The following CPNE8 variants were observed in gnomAD, a reference collection of about 807,000 sequenced individuals.
The protein encoded by CPNE8 is copine 8.
CPNE8 carries 45 observed loss-of-function variants against 81.5 expected under a neutral mutation model. The observed-to-expected ratio is 0.55, with a 90% CI of 0.44 to 0.71. CPNE8 has a LOEUF of 0.71. Ranked by LOEUF, CPNE8 falls within the 30% of genes least tolerant of loss-of-function variation. The pLI, the probability that CPNE8 is intolerant of heterozygous loss-of-function variation, is 0.00. For missense variants in CPNE8, 594 were observed against 672.1 expected (o/e 0.88, Z 1.28); for synonymous variants, 252 against 226.3 (o/e 1.11, Z -1.02).
At chr12:38,818,863 T>C (rs919928165) in intron 6 of CPNE8, among the ~76,000 whole-genome samples, 4 of 152,370 alleles carry the variant, frequency 2.6e-5, no homozygotes, top group South Asian at 2.1e-4. Flanking sequence ...TGGTTTTGAT[T>C]TGCATTTCTC....
chr12:38,756,478 C>T lies in CPNE8; in HGVS notation c.722+4369G>A, dbSNP rs569980601. 3.9e-5 allele frequency among the ~76,000 whole-genome samples: 6 copies of T among 151,922 alleles called. No homozygotes were observed. The East Asian group carries it at 9.7e-4, about 25-fold the overall frequency. Reference sequence around the variant, plus strand: ...AAGCCATCTTCCTGCCTCAGTCTCCCGAGTAGCGAGGACTACAGCCACACG... The same window carrying T: ...AAGCCATCTTCCTGCCTCAGTCTCCTGAGTAGCGAGGACTACAGCCACACG... On this transcript the variant is annotated intron_variant, in intron 10 of 19. Transcript: ENST00000331366.
At chr12:38,808,769 T>TA (rs199996806) in intron 6 of CPNE8, among the ~76,000 whole-genome samples, 3,048 of 149,204 alleles carry the variant, frequency 0.02, 40 homozygotes, top group Middle Eastern at 0.028. Context: ...TAAAATAAAA[T>TA]AAAAAAAAGA....
intron 1 of CPNE8, among the ~76,000 whole-genome samples, chr12:38,898,068 C>T (rs1944412116): frequency 6.6e-6 from 1 of 152,136 alleles, no homozygotes; most frequent in South Asian, 2.1e-4. Context: ...TGTATTTCTT[C>T]TCAGTCTTGA....
chr12:38,675,700 G>A lies in CPNE8; in HGVS notation c.1432+17C>T, dbSNP rs776141018. 1.3e-6 allele frequency: 2 copies of A among 1,532,640 alleles called. No homozygotes were observed. Among genetic ancestry groups the A allele is most frequent in the Admixed American group, 3.4e-5 (2 of 59,580 alleles). The allele number at this position is 1,532,640 out of a possible 1,614,324, so 94.9% of individuals were successfully genotyped here. ...AAATGAACTCCCAAGGAATATTATTGAAATTTTACTACTCACCATCAAATT... is the reference window on the plus strand; with the variant it reads ...AAATGAACTCCCAAGGAATATTATTAAAATTTTACTACTCACCATCAAATT... On this transcript the variant is annotated intron_variant, in intron 18 of 19. Transcript: ENST00000331366.
intron 4 of CPNE8, among the ~76,000 whole-genome samples, chr12:38,848,193 A>G (rs1943587219): frequency 6.6e-6 from 1 of 152,206 alleles, no homozygotes; most frequent in Admixed American, 6.5e-5. Flanking sequence ...GCAGAGATCC[A>G]GGTGCTATGC....
intron 7 of CPNE8, among the ~76,000 whole-genome samples, chr12:38,770,728 C>A (rs191327584): frequency 9.2e-5 from 14 of 152,260 alleles, no homozygotes; most frequent in Non-Finnish European, 1.6e-4. Context: ...CCCACACATG[C>A]CTTTCCCACC....
Position 38,766,535 on chromosome 12 carries a change from G to C in CPNE8, c.575+1100C>G, listed in dbSNP as rs1330533771. 2.0e-5 allele frequency among the ~76,000 whole-genome samples: 3 copies of C among 152,218 alleles called. 1 individual carries two copies. Among genetic ancestry groups the C allele is most frequent in the Middle Eastern group, 6.8e-3 (2 of 294 alleles). On this transcript the variant is annotated intron_variant, in intron 8 of 19. Coordinates refer to ENST00000331366, the MANE Select transcript of CPNE8 (RefSeq NM_153634.3). ...AGCAAATATATCCAACAGTTGCTCA[G>C]TAGCTGCATCAACAAACATCTCCCA...
chr12:38,737,910 G>T (rs1012468504), intron 10 of CPNE8, among the ~76,000 whole-genome samples: 1 of 152,150 alleles, frequency 6.6e-6, no homozygotes, highest in African/African-American at 2.4e-5. Flanking sequence ...GCACTCTAGA[G>T]TCCACTGCTA....
At position 38,767,581 on chromosome 12, in the gene CPNE8, T is replaced by C. The variant is rs910724840; in HGVS notation, c.575+54A>G. ...TGAGCTTCTCTGAGAAAAATAATTA[T>C]AATTCAAGTATCATCATTACCATAT... On this transcript the variant is annotated intron_variant, in intron 8 of 19. Coordinates refer to ENST00000331366, the MANE Select transcript of CPNE8 (RefSeq NM_153634.3). The C allele has an allele frequency of 6.5e-5, 67 of 1,025,638 alleles. No individual in the cohort carries two copies. The highest frequency in any genetic ancestry group is 8.6e-5 in the Non-Finnish European group (62 of 718,068). The allele number at this position is 1,025,638 out of a possible 1,614,324, so 63.5% of individuals were successfully genotyped here.
intron 13 of CPNE8, 39 bp downstream of exon 13, chr12:38,723,733 A>G (rs866375369): frequency 7.7e-7 from 1 of 1,299,770 alleles, no homozygotes; most frequent in Non-Finnish European, 1.1e-6. Context: ...AATTTTAGGA[A>G]ATGCCTAAGC....
intron 6 of CPNE8, among the ~76,000 whole-genome samples, chr12:38,787,479 C>A (rs1942220241): frequency 7.2e-6 from 1 of 139,794 alleles, no homozygotes; most frequent in Non-Finnish European, 1.5e-5. Flanking sequence ...GCTGTAAGTG[C>A]TTCCATTAAA....
At chr12:38,837,131 G>T (rs1222876088) in intron 5 of CPNE8, among the ~76,000 whole-genome samples, 1 of 152,076 alleles carries the variant, frequency 6.6e-6, no homozygotes, top group Non-Finnish European at 1.5e-5. Context: ...AAAGTAATGA[G>T]AATCTGAACT....
At chr12:38,699,698 C>CT (rs10569297) in intron 14 of CPNE8, among the ~76,000 whole-genome samples, 470 of 147,352 alleles carry the variant, frequency 3.2e-3, no homozygotes, top group African/African-American at 8.7e-3. Flanking sequence ...GCTTTCTAAA[C>CT]TTTTTTTTTT....
chr12:38,905,916 T>C (rs1944564776), upstream of CPNE8: 1 of 985,136 alleles, frequency 1.0e-6, no homozygotes, highest in Non-Finnish European at 1.2e-6. Context: ...ACCCCTACCG[T>C]CCAGGACCGC....
intron 18 of CPNE8, among the ~76,000 whole-genome samples, chr12:38,673,516 T>G (rs4768240): frequency 0.62 from 94,652 of 151,600 alleles, 36,458 homozygotes; most frequent in Non-Finnish European, 0.87. Context: ...AGATGTGTTT[T>G]GAAAGGAAAA....
intron 4 of CPNE8, among the ~76,000 whole-genome samples, chr12:38,841,638 T>C (rs1442272392): frequency 1.3e-5 from 2 of 152,138 alleles, no homozygotes; most frequent in Non-Finnish European, 2.9e-5. Context: ...GAGCTTTATT[T>C]TGAAGTATTG....
intron 5 of CPNE8, among the ~76,000 whole-genome samples, chr12:38,832,820 T>C (rs188606107): frequency 2.3e-4 from 35 of 152,220 alleles, no homozygotes; most frequent in Admixed American, 1.2e-3. Context: ...CATAAACCAC[T>C]GCACCCGGGC....
chr12:38,786,268 A>G (rs996407063), intron 6 of CPNE8, among the ~76,000 whole-genome samples: 6 of 152,218 alleles, frequency 3.9e-5, no homozygotes, highest in Admixed American at 6.5e-5. Flanking sequence ...ATTGAAGGAT[A>G]CAAAGTATTG....
At chr12:38,656,284 T>C (rs1347836224) in intron 19 of CPNE8, among the ~76,000 whole-genome samples, 1 of 151,566 alleles carries the variant, frequency 6.6e-6, no homozygotes, top group African/African-American at 2.4e-5. Flanking sequence ...CATTTAGTAA[T>C]GTTGGTATGG....
Sources: gnomAD v4.1 joint callset for allele counts (sites outside exome capture counted in the v4.1 genomes callset) on GRCh38, gnomAD v4.1.1 for gene constraint, MANE v1.5 for transcripts, NCBI Gene and HGNC (gene_info 2026-07-23, HGNC 2026-07-21) for gene names.